The following EXOC4 variants were observed in gnomAD, a reference collection of about 807,000 sequenced individuals.
The protein encoded by EXOC4 is exocyst complex component 4.
In EXOC4, 71 loss-of-function variants were observed where a neutral mutation model predicts 107.2. That is an observed-to-expected ratio of 0.66 (90% CI 0.55 to 0.81). EXOC4 has a LOEUF of 0.81. Ranked by LOEUF, EXOC4 falls within the 30% of genes least tolerant of loss-of-function variation. EXOC4 has a pLI of 0.00. For synonymous variants in EXOC4, 456 were observed against 441.2 expected, an observed-to-expected ratio of 1.03 and a Z score of -0.42; for missense variants, 1,108 against 1,189.6, an observed-to-expected ratio of 0.93 and a Z score of 1.01.
At chr7:133,973,587 G>T (rs1319839751) in intron 14 of EXOC4, among the ~76,000 whole-genome samples, 1 of 152,200 alleles carries the variant, frequency 6.6e-6, no homozygotes, top group African/African-American at 2.4e-5. Flanking sequence ...GAGATTTTAT[G>T]TGGAGGACAA....
chr7:133,572,399 G>A (rs1311954001), intron 9 of EXOC4, among the ~76,000 whole-genome samples: 1 of 151,882 alleles, frequency 6.6e-6, no homozygotes, highest in Admixed American at 6.6e-5. Context: ...AAAGATGACT[G>A]GAACTGAAAA....
At chr7:133,809,091 A>G (rs1797152108) in intron 10 of EXOC4, among the ~76,000 whole-genome samples, 1 of 152,048 alleles carries the variant, frequency 6.6e-6, no homozygotes. Flanking sequence ...TTCTCTTTGT[A>G]ACTCATGTAT....
intron 6 of EXOC4, among the ~76,000 whole-genome samples, chr7:133,358,151 A>G (rs1167511965): frequency 6.6e-6 from 1 of 152,096 alleles, no homozygotes; most frequent in Admixed American, 6.6e-5. Context: ...ACACTACTGC[A>G]CTCCAGCCTG....
chr7:133,606,979 A>G (rs2150992561), intron 9 of EXOC4, among the ~76,000 whole-genome samples: 1 of 152,148 alleles, frequency 6.6e-6, no homozygotes, highest in Middle Eastern at 3.4e-3. Flanking sequence ...AGACCCTAGG[A>G]TTGTCCCTAG....
intron 15 of EXOC4, among the ~76,000 whole-genome samples, chr7:133,998,447 G>C (rs963706904): frequency 6.6e-6 from 1 of 152,146 alleles, no homozygotes; most frequent in Middle Eastern, 3.2e-3. Flanking sequence ...TGATCAGTCT[G>C]TACAAAGACC....
At chr7:133,768,553 TTAATGAACC>T (rs1310456709) in intron 10 of EXOC4, 1 of 151,950 alleles carries the variant, frequency 6.6e-6, no homozygotes, top group Non-Finnish European at 1.5e-5. Context: ...CCAAGATTAG[TTAATGAACC>T]TTAATTGGCA....
At chr7:133,748,961 A>G (rs1795733642) in intron 10 of EXOC4, among the ~76,000 whole-genome samples, 1 of 152,222 alleles carries the variant, frequency 6.6e-6, no homozygotes, top group African/African-American at 2.4e-5. Context: ...CCTTGCAGAC[A>G]GGCCCTTCTT....
chr7:133,763,054 C>T (rs1308543570), intron 10 of EXOC4, among the ~76,000 whole-genome samples: 5 of 152,112 alleles, frequency 3.3e-5, no homozygotes, highest in East Asian at 3.9e-4. Flanking sequence ...GCACATAATG[C>T]GTTTCTAACA....
chr7:133,947,700 G>GT (rs1800587895), intron 14 of EXOC4, among the ~76,000 whole-genome samples: 1 of 152,194 alleles, frequency 6.6e-6, no homozygotes, highest in East Asian at 1.9e-4. Flanking sequence ...CAGAAGGCTA[G>GT]TGCTGTGGGC....
intron 14 of EXOC4, among the ~76,000 whole-genome samples, chr7:133,975,357 A>G (rs1164009510): frequency 6.6e-6 from 1 of 152,068 alleles, no homozygotes; most frequent in Admixed American, 6.6e-5. Flanking sequence ...TAAGTTCTTA[A>G]CTCATCTTTT....
chr7:133,863,281 T>C (rs990992546), intron 11 of EXOC4, among the ~76,000 whole-genome samples: 9 of 152,130 alleles, frequency 5.9e-5, no homozygotes, highest in Admixed American at 5.9e-4. Context: ...CAAATGAATT[T>C]TAAAAATTTG....
Position 133,253,078 on chromosome 7 carries a change from C to T in EXOC4, c.-24C>T, listed in dbSNP as rs774262890. On this transcript the variant is annotated 5_prime_UTR_variant, in exon 1 of 18. Coordinates refer to ENST00000253861, the MANE Select transcript of EXOC4 (RefSeq NM_021807.4). ...TACGCACCCTTGGCTTCCTTGGAGCCTAGCGGCTCTCCCCGCGTCCAAGAT... is the reference window on the plus strand; with the variant it reads ...TACGCACCCTTGGCTTCCTTGGAGCTTAGCGGCTCTCCCCGCGTCCAAGAT... 10 of 1,612,864 alleles carry T rather than the reference C, an allele frequency of 6.2e-6. No individual in the cohort carries two copies. The highest frequency in any genetic ancestry group is 1.3e-5 in the African/African-American group (1 of 74,922).
chr7:133,780,303 T>TAAAAA (rs35224246), intron 10 of EXOC4, among the ~76,000 whole-genome samples: 1 of 143,898 alleles, frequency 6.9e-6, no homozygotes, highest in Non-Finnish European at 1.5e-5. Flanking sequence ...TTGAAGAATC[T>TAAAAA]AAAAAAAAAA....
chr7:133,612,551 G>C (rs1404905046), intron 9 of EXOC4, among the ~76,000 whole-genome samples: 1 of 152,148 alleles, frequency 6.6e-6, no homozygotes, highest in Admixed American at 6.6e-5. Context: ...CAAATGAGAT[G>C]TGAAGCCTTT....
chr7:133,705,638 G>T (rs1478021527), intron 10 of EXOC4, among the ~76,000 whole-genome samples: 1 of 151,574 alleles, frequency 6.6e-6, no homozygotes, highest in Admixed American at 6.6e-5. Context: ...GGACTCTGGG[G>T]CCATTATTAA....
At chr7:133,905,830 A>G (rs1332494091) in intron 12 of EXOC4, among the ~76,000 whole-genome samples, 1 of 152,136 alleles carries the variant, frequency 6.6e-6, no homozygotes, top group Non-Finnish European at 1.5e-5. Context: ...ACATGAAGAA[A>G]GAGTGAGAGG....
intron 5 of EXOC4, among the ~76,000 whole-genome samples, chr7:133,322,892 G>A (rs904323302): frequency 6.6e-6 from 1 of 152,114 alleles, no homozygotes; most frequent in Non-Finnish European, 1.5e-5. Flanking sequence ...TTATTTCCTT[G>A]AGCAGTGGTT....
chr7:134,042,990 G>A (rs548200026), intron 17 of EXOC4, among the ~76,000 whole-genome samples: 8 of 152,290 alleles, frequency 5.3e-5, no homozygotes, highest in Non-Finnish European at 8.8e-5. Flanking sequence ...GCAGTTAGCC[G>A]AGATTGTGCC....
intron 13 of EXOC4, among the ~76,000 whole-genome samples, chr7:133,929,202 A>G (rs1342543277): frequency 6.6e-6 from 1 of 152,012 alleles, no homozygotes. Context: ...ACGTGCTGGT[A>G]TTATAGGCAT....
Sources: allele counts gnomAD v4.1 joint callset (sites outside exome capture counted in the v4.1 genomes callset), GRCh38; gene constraint gnomAD v4.1.1; transcripts MANE v1.5; gene names NCBI Gene and HGNC (gene_info 2026-07-23, HGNC 2026-07-21).